Variants in CUBN observed in about 807,000 individuals in gnomAD.
CUBN encodes 460 kDa receptor.
A neutral mutation model predicts 405.3 loss-of-function variants in CUBN; 282 were observed. The observed-to-expected ratio is 0.70, with a 90% CI of 0.63 to 0.77. The LOEUF (loss-of-function observed/expected upper bound fraction) is 0.77. CUBN is among the 30% of genes least tolerant of loss of function. CUBN has a pLI of 0.00. For missense variants in CUBN, 4,514 were observed against 4,475.2 expected (o/e 1.01, Z -0.25); for synonymous variants, 1,684 against 1,617.0 (o/e 1.04, Z -0.99).
At chr10:16,883,061 A>C (rs910470983) in intron 56 of CUBN, among the ~76,000 whole-genome samples, 1 of 151,646 alleles carries the variant, frequency 6.6e-6, no homozygotes, top group Admixed American at 6.6e-5. Context: ...GGAAGGAAGG[A>C]AAGGAAAGGA....
intron 6 of CUBN, among the ~76,000 whole-genome samples, chr10:17,120,708 G>C (rs1005755199): frequency 6.6e-6 from 1 of 152,276 alleles, no homozygotes; most frequent in East Asian, 1.9e-4. Context: ...ATAGTAAAAG[G>C]GTTTTTGTTT....
intron 29 of CUBN, among the ~76,000 whole-genome samples, chr10:16,987,840 G>A (rs1264175532): frequency 2.0e-5 from 3 of 152,192 alleles, no homozygotes; most frequent in Non-Finnish European, 4.4e-5. Flanking sequence ...TGAACAAAAT[G>A]TCAGAGGGTT....
At chr10:16,980,790 T>C (rs189284708) in intron 31 of CUBN, among the ~76,000 whole-genome samples, 178 of 151,840 alleles carry the variant, frequency 1.2e-3, no homozygotes, top group Non-Finnish European at 2.1e-3. Flanking sequence ...TGTATACCTA[T>C]ATAACAAACC....
intron 31 of CUBN, among the ~76,000 whole-genome samples, chr10:16,979,739 C>G (rs1469631422): frequency 2.0e-5 from 3 of 152,092 alleles, no homozygotes; most frequent in Admixed American, 6.5e-5. Context: ...CATAAAAACC[C>G]TAGAAGAAAA....
chr10:17,003,351 C>T (rs879745605), intron 28 of CUBN, among the ~76,000 whole-genome samples: 6 of 152,136 alleles, frequency 3.9e-5, no homozygotes, highest in Non-Finnish European at 8.8e-5. Context: ...AGATTAGAAC[C>T]AGACAGTGTG....
chr10:16,902,774 A>G (rs1054225207), intron 51 of CUBN, among the ~76,000 whole-genome samples: 14 of 152,182 alleles, frequency 9.2e-5, no homozygotes, highest in Admixed American at 8.5e-4. Context: ...TGAAAGTGAA[A>G]GAGTGAAGTC....
chr10:16,866,933 A>G (rs185573977), intron 59 of CUBN, among the ~76,000 whole-genome samples: 1 of 152,358 alleles, frequency 6.6e-6, no homozygotes, highest in East Asian at 1.9e-4. Context: ...CTCGCTAGCA[A>G]TACAAATATA....
intron 59 of CUBN, among the ~76,000 whole-genome samples, chr10:16,866,058 C>T (rs1365617776): frequency 6.6e-6 from 1 of 152,150 alleles, no homozygotes; most frequent in African/African-American, 2.4e-5. Context: ...TTGCAGGGGA[C>T]ACCCCTCAGT....
chr10:16,982,393 C>T (rs1292513822), intron 31 of CUBN, 91 bp downstream of exon 31: 26 of 1,144,930 alleles, frequency 2.3e-5, no homozygotes, highest in Non-Finnish European at 3.1e-5. Context: ...TTAAAAACAC[C>T]CATAAGTAAT....
chr10:16,881,833 G>A (rs1840672082), intron 56 of CUBN, among the ~76,000 whole-genome samples: 1 of 152,180 alleles, frequency 6.6e-6, no homozygotes, highest in Admixed American at 6.5e-5. Flanking sequence ...AAATGGATAT[G>A]TGTGTCACTA....
chr10:16,921,288 T>C (rs756796895), intron 43 of CUBN, among the ~76,000 whole-genome samples: 1 of 152,222 alleles, frequency 6.6e-6, no homozygotes, highest in Non-Finnish European at 1.5e-5. Flanking sequence ...TTACCCCTAA[T>C]TTATTACTAT....
intron 59 of CUBN, among the ~76,000 whole-genome samples, chr10:16,858,520 T>C (rs1046628243): frequency 1.3e-5 from 2 of 151,950 alleles, no homozygotes; most frequent in Non-Finnish European, 2.9e-5. Flanking sequence ...AGGGTCTTGC[T>C]ATTATTGGCC....
At chr10:16,882,398 A>T (rs1015221075) in intron 56 of CUBN, among the ~76,000 whole-genome samples, 1 of 152,176 alleles carries the variant, frequency 6.6e-6, no homozygotes, top group African/African-American at 2.4e-5. Flanking sequence ...AAACATATTC[A>T]TCGTTTGCAA....
At chr10:16,864,269 G>T (rs1840099757) in intron 59 of CUBN, among the ~76,000 whole-genome samples, 1 of 152,180 alleles carries the variant, frequency 6.6e-6, no homozygotes, top group South Asian at 2.1e-4. Flanking sequence ...TGACGGTTAG[G>T]TGTCACTGCA....
intron 27 of CUBN, 106 bp downstream of exon 27, chr10:17,040,926 GT>G: frequency 9.8e-7 from 1 of 1,019,490 alleles, no homozygotes; most frequent in Non-Finnish European, 1.5e-6. Flanking sequence ...TTATAGATGC[GT>G]GGGGCAGAGT....
intron 43 of CUBN, among the ~76,000 whole-genome samples, chr10:16,924,011 C>G (rs1842112781): frequency 6.6e-6 from 1 of 152,102 alleles, no homozygotes; most frequent in African/African-American, 2.4e-5. Flanking sequence ...GCAGAGGTTG[C>G]AGTAGGCTGA....
Position 16,828,772 on chromosome 10 carries a change from C to A in CUBN, c.10764+33G>T, listed in dbSNP as rs573039810. 42 of 1,479,010 alleles carry A rather than the reference C, an allele frequency of 2.8e-5. 1 individual carries two copies. The South Asian group carries it at 4.6e-4, about 16-fold the overall frequency. The allele number at this position is 1,479,010 out of a possible 1,614,324, so 91.6% of individuals were successfully genotyped here. ...GTGACTCATTATTGTCTAAAAATAA[C>A]AAATGGGAATATAAAATGTTTGTTT... is the stretch of plus-strand genomic sequence containing the variant. On this transcript the variant is annotated intron_variant, in intron 66 of 66. Transcript: ENST00000377833.
intron 31 of CUBN, among the ~76,000 whole-genome samples, chr10:16,981,076 C>A (rs1294587695): frequency 1.3e-5 from 2 of 151,866 alleles, no homozygotes; most frequent in African/African-American, 4.8e-5. Flanking sequence ...GGATCTGCCA[C>A]TCAAAGTGAG....
At chr10:16,947,433 G>T in intron 35 of CUBN, 66 bp from the exon 36 acceptor site, 7 of 1,508,550 alleles carry the variant, frequency 4.6e-6, no homozygotes, top group Non-Finnish European at 6.4e-6. Context: ...TAAAATAAAG[G>T]AGAAAGAACG....
Sources: gnomAD v4.1 joint callset for allele counts (sites outside exome capture counted in the v4.1 genomes callset) on GRCh38, gnomAD v4.1.1 for gene constraint, MANE v1.5 for transcripts, NCBI Gene and HGNC (gene_info 2026-07-23, HGNC 2026-07-21) for gene names.